Variants in BIVM observed in about 807,000 individuals in gnomAD.
The protein encoded by BIVM is basic, immunoglobulin-like variable motif containing, also known as basic immunoglobulin-like variable motif-containing protein.
A neutral mutation model predicts 61.4 loss-of-function variants in BIVM; 31 were observed. The ratio of observed to expected loss-of-function variants is 0.51; its 90% CI spans 0.38 to 0.68. The LOEUF (loss-of-function observed/expected upper bound fraction) is 0.68. Among genes scored for constraint, BIVM ranks in the 30% least tolerant of loss-of-function variants. BIVM has a pLI of 0.00. For missense variants in BIVM, 526 were observed against 596.0 expected (o/e 0.88, Z 1.22); for synonymous variants, 189 against 210.7 (o/e 0.90, Z 0.89).
At chr13:102,817,469 GT>G (rs988343495) in intron 4 of BIVM, among the ~76,000 whole-genome samples, 4 of 152,154 alleles carry the variant, frequency 2.6e-5, no homozygotes, top group African/African-American at 9.7e-5. Context: ...TGATTACTGG[GT>G]TAAGGTGGTG....
At chr13:102,809,921 G>A (rs1879374739) in intron 3 of BIVM, among the ~76,000 whole-genome samples, 1 of 152,020 alleles carries the variant, frequency 6.6e-6, no homozygotes, top group Non-Finnish European at 1.5e-5. Flanking sequence ...GAGTACCTGG[G>A]ACTACAGGCG....
intron 8 of BIVM, among the ~76,000 whole-genome samples, chr13:102,833,139 G>C (rs1296069991): frequency 6.6e-6 from 1 of 151,710 alleles, no homozygotes; most frequent in African/African-American, 2.4e-5. Flanking sequence ...TGCACCTGTA[G>C]TCCCAGCTAC....
chr13:102,820,774 T>A, intron 4 of BIVM: 1 of 372,298 alleles, frequency 2.7e-6, no homozygotes, highest in Non-Finnish European at 4.8e-6. Context: ...AGGCGATATA[T>A]CATTATTTTT....
At chr13:102,808,191 T>C (rs972679540) in intron 3 of BIVM, among the ~76,000 whole-genome samples, 1 of 152,238 alleles carries the variant, frequency 6.6e-6, no homozygotes, top group African/African-American at 2.4e-5. Flanking sequence ...AAAGCCTCCA[T>C]GTACCACCAA....
At chr13:102,808,565 A>G (rs1879262797) in intron 3 of BIVM, among the ~76,000 whole-genome samples, 1 of 152,146 alleles carries the variant, frequency 6.6e-6, no homozygotes, top group Non-Finnish European at 1.5e-5. Context: ...GTAATTCTTA[A>G]GGGTAGGAGG....
At chr13:102,835,057 T>C (rs566621025) in intron 9 of BIVM, among the ~76,000 whole-genome samples, 1 of 152,258 alleles carries the variant, frequency 6.6e-6, no homozygotes, top group African/African-American at 2.4e-5. Context: ...ATAAAAATTT[T>C]ATTAAAATAT....
intron 9 of BIVM, 136 bp downstream of exon 9, chr13:102,834,688 A>AG: frequency 2.8e-6 from 2 of 715,500 alleles, no homozygotes. Flanking sequence ...GATATGGTAC[A>AG]CATTCATTGC....
chr13:102,799,976 C>A (rs1235999660), intron 1 of BIVM, among the ~76,000 whole-genome samples: 2 of 152,012 alleles, frequency 1.3e-5, no homozygotes, highest in Non-Finnish European at 2.9e-5. Context: ...CGGGTCTGGG[C>A]CGCCGCCAGG....
At chr13:102,802,962 C>T (rs751616709) in intron 1 of BIVM, among the ~76,000 whole-genome samples, 3 of 151,850 alleles carry the variant, frequency 2.0e-5, no homozygotes, top group Non-Finnish European at 4.4e-5. Context: ...CTTTAGCGTC[C>T]AGGAAGCTTA....
chr13:102,808,446 C>A (rs1249443550), intron 3 of BIVM, among the ~76,000 whole-genome samples: 1 of 152,100 alleles, frequency 6.6e-6, no homozygotes, highest in East Asian at 1.9e-4. Flanking sequence ...GGAGGTCAAA[C>A]TAGGATTTGT....
At position 102,841,389 on chromosome 13, in the gene BIVM, A is replaced by T. The variant is rs1257422028; in HGVS notation, c.*1524A>T. The T allele has an allele frequency of 6.6e-6, 1 of 152,618 alleles. No homozygotes were observed. The highest frequency in any genetic ancestry group is 2.4e-5 in the African/African-American group (1 of 41,442). 9.5% of individuals were successfully genotyped at this position (152,618 alleles called of 1,614,324 possible). Reference sequence around the variant, plus strand: ...GCCTAGCCTACAGAAGGGGATATATATTATGAAATGGTCATTTTTCTGAAG... The same window carrying T: ...GCCTAGCCTACAGAAGGGGATATATTTTATGAAATGGTCATTTTTCTGAAG... On this transcript the variant is annotated 3_prime_UTR_variant, in exon 11 of 11. Transcript: ENST00000257336.
At chr13:102,832,712 G>C (rs1477736108) in intron 8 of BIVM, among the ~76,000 whole-genome samples, 1 of 152,168 alleles carries the variant, frequency 6.6e-6, no homozygotes, top group East Asian at 1.9e-4. Flanking sequence ...CTGATTGCAA[G>C]GAAGCTCTGA....
At chr13:102,804,053 G>C (rs781441922) in intron 1 of BIVM, among the ~76,000 whole-genome samples, 2 of 152,232 alleles carry the variant, frequency 1.3e-5, no homozygotes, top group Admixed American at 6.5e-5. Flanking sequence ...AACCACAGGA[G>C]GTTCCACCTT....
chr13:102,837,653 T>A (rs1015010530), intron 9 of BIVM, among the ~76,000 whole-genome samples: 1 of 152,192 alleles, frequency 6.6e-6, no homozygotes, highest in Non-Finnish European at 1.5e-5. Context: ...TCAACCTAAG[T>A]GCCCATCAAC....
At chr13:102,824,973 C>T (rs4529986) in intron 7 of BIVM, among the ~76,000 whole-genome samples, 37,000 of 151,024 alleles carry the variant, frequency 0.24, 4,676 homozygotes, top group East Asian at 0.43. Context: ...GACGGAGTCT[C>T]GCTCTGTTGC....
intron 10 of BIVM, 53 bp from the exon 11 acceptor site, chr13:102,839,519 T>A (rs572871779): frequency 1.8e-5 from 28 of 1,592,796 alleles, no homozygotes; most frequent in Non-Finnish European, 2.2e-5. Flanking sequence ...ACCTACAAAT[T>A]AGTACAATTA....
At chr13:102,821,183 T>A in intron 5 of BIVM, 51 bp downstream of exon 5, 7 of 1,512,944 alleles carry the variant, frequency 4.6e-6, no homozygotes, top group Non-Finnish European at 5.4e-6. Context: ...AATTTGATGT[T>A]GCTTTTTCTA....
At chr13:102,827,605 T>A in intron 7 of BIVM, among the ~76,000 whole-genome samples, 1 of 152,210 alleles carries the variant, frequency 6.6e-6, no homozygotes, top group Admixed American at 6.5e-5. Context: ...ATCTCTGATA[T>A]GTTCCTTGGC....
chr13:102,841,341 T>C lies in BIVM; in HGVS notation c.*1476T>C, dbSNP rs1031495335. Reference sequence around the variant, plus strand: ...ATTTTCATTTTTTTCTTGAATTTTATATCCGTTTGTTCACTCGTACATGCC... The same window carrying C: ...ATTTTCATTTTTTTCTTGAATTTTACATCCGTTTGTTCACTCGTACATGCC... On this transcript the variant is annotated 3_prime_UTR_variant, in exon 11 of 11. Coordinates refer to ENST00000257336, the MANE Select transcript of BIVM (RefSeq NM_017693.4). The C allele has an allele frequency of 3.3e-5, 5 of 152,652 alleles. No individual in the cohort carries two copies. Among genetic ancestry groups the C allele is most frequent in the Admixed American group, 3.3e-4 (5 of 15,290 alleles). The allele number at this position is 152,652 out of a possible 1,614,324, so 9.5% of individuals were successfully genotyped here. A position where few individuals can be genotyped will look rare whatever the true frequency, so the allele number is the denominator to read the frequency against.
Sources: gnomAD v4.1 joint callset for allele counts (sites outside exome capture counted in the v4.1 genomes callset) on GRCh38, gnomAD v4.1.1 for gene constraint, MANE v1.5 for transcripts, NCBI Gene and HGNC (gene_info 2026-07-23, HGNC 2026-07-21) for gene names.